Variants in ITFG2 observed in about 807,000 individuals in gnomAD.
ITFG2 encodes the protein integrin alpha FG-GAP repeat containing 2, also known as KICSTOR complex protein ITFG2.
In ITFG2, 36 loss-of-function variants were observed where a neutral mutation model predicts 54.4. The ratio of observed to expected loss-of-function variants is 0.66; its 90% confidence interval spans 0.51 to 0.87. The LOEUF is 0.87. Ranked by LOEUF, ITFG2 falls within the 40% of genes least tolerant of loss-of-function variation. The probability of loss-of-function intolerance (pLI) is 0.00; values close to 1 mark genes in which losing one functional copy is unlikely to be tolerated. For synonymous variants in ITFG2, 211 were observed against 225.4 expected, an observed-to-expected ratio of 0.94 and a Z score of 0.57; for missense variants, 524 against 576.7, an observed-to-expected ratio of 0.91 and a Z score of 0.94.
downstream of ITFG2, chr12:2,827,922 T>G (rs778136921): frequency 3.6e-5 from 58 of 1,613,880 alleles, no homozygotes; most frequent in Non-Finnish European, 4.6e-5. This position sits in a 1 kb window ranked among gnomAD's most constrained non-coding sequence, Gnocchi z 4.0. Flanking sequence ...AAGGGGGGAC[T>G]TACCCACCAC....
At position 2,824,076 on chromosome 12, in the gene ITFG2, T is replaced by G; in HGVS notation, c.1241-14T>G. 2 of 1,613,964 alleles carry G rather than the reference T, an allele frequency of 1.2e-6. No individual in the cohort carries two copies. Among genetic ancestry groups the G allele is most frequent in the African/African-American group, 1.3e-5 (1 of 74,982 alleles). ...AGACCCACAGCCTCTTACCCACCCC[T>G]TCTTGGCTCTCAGATCCTGACGACC... On this transcript the variant is annotated splice_polypyrimidine_tract_variant and intron_variant, in intron 11 of 11. Transcript: ENST00000228799.
upstream of ITFG2, among the ~76,000 whole-genome samples, chr12:2,836,428 G>C (rs1315944371): frequency 1.3e-5 from 2 of 152,254 alleles, no homozygotes; most frequent in African/African-American, 4.8e-5. Flanking sequence ...TAAGGGTGCA[G>C]TCTGACTCAG....
chr12:2,817,356 G>A, intron 2 of ITFG2, 38 bp downstream of exon 2: 1 of 1,469,146 alleles, frequency 6.8e-7, no homozygotes, highest in South Asian at 1.2e-5. Context: ...GGGGGGAAGG[G>A]ATCCCTTCTG....
chr12:2,849,021 A>G, intron 2 of ITFG2: 1 of 591,066 alleles, frequency 1.7e-6, no homozygotes, highest in South Asian at 2.2e-5. Context: ...AGAGTCCTCC[A>G]AGGAAGAAAT....
At chr12:2,853,672 G>A (rs1342769044) in intron 2 of ITFG2, among the ~76,000 whole-genome samples, 7 of 151,738 alleles carry the variant, frequency 4.6e-5, no homozygotes, top group African/African-American at 1.7e-4. Context: ...CTTTGGTCCT[G>A]CCCTTGGGAT....
chr12:2,818,129 T>C lies in ITFG2; in HGVS notation c.258T>C (p.Ala86=). The C allele has an allele frequency of 3.1e-6, 5 of 1,614,198 alleles. No individual in the cohort carries two copies. Among genetic ancestry groups the C allele is most frequent in the Non-Finnish European group, 2.5e-6 (3 of 1,180,036 alleles). The part of the protein sequence containing the change: ...KGKNLLVAVS[A]EGWFHLFDLT... ...AGAACCTGTTGGTGGCAGTGAGTGC[T>C]GAAGGCTGGTTTCATTTGTTTGACC... The change falls in exon 4 of 12, where the codon GCT becomes GCC. Residue 86 remains alanine (A), a synonymous_variant. Coordinates refer to ENST00000228799, the MANE Select transcript of ITFG2 (RefSeq NM_018463.4).
downstream of ITFG2, chr12:2,828,406 G>A (rs2097981345): frequency 1.2e-6 from 2 of 1,613,820 alleles, no homozygotes; most frequent in Non-Finnish European, 1.7e-6. Context: ...TAAGCAGCTG[G>A]TCCTGGCACT....
At chr12:2,846,759 C>T (rs189314555) in intron 2 of ITFG2, among the ~76,000 whole-genome samples, 3 of 151,702 alleles carry the variant, frequency 2.0e-5, no homozygotes, top group Admixed American at 6.6e-5. Flanking sequence ...TCACACACCC[C>T]GTCACACATA....
At chr12:2,828,188 A>T, downstream of ITFG2, 1 of 1,137,310 alleles carries the variant, frequency 8.8e-7, no homozygotes, top group Middle Eastern at 2.1e-4. Flanking sequence ...CTTCTCTGCC[A>T]GAGTCTTCTA....
chr12:2,813,494 C>T (rs2097914238), intron 1 of ITFG2, among the ~76,000 whole-genome samples: 2 of 152,142 alleles, frequency 1.3e-5, no homozygotes, highest in Admixed American at 6.6e-5. Flanking sequence ...GAGTTCCAGT[C>T]CTCAGATAGC....
In ITFG2 at chr12:2,853,418, G is replaced by A. The variant is rs190483576; in HGVS notation, n.301-4594G>A. Among the ~76,000 whole-genome samples, 920 of 152,010 alleles carry A rather than the reference G, an allele frequency of 6.1e-3. 8 individuals carry two copies. Among genetic ancestry groups the A allele is most frequent in the Admixed American group, 0.012 (179 of 15,254 alleles). ...CTCCTGAGTAGCTGGGATTACAGGC[G>A]CCTGCCACCACGCCCAGCTAATTTT... On this transcript the variant is annotated intron_variant and non_coding_transcript_variant, in intron 2 of 3. Coordinates refer to the ITFG2 transcript ENST00000537710.
intron 11 of ITFG2, 61 bp downstream of exon 11, chr12:2,824,004 C>T: frequency 1.2e-6 from 2 of 1,612,642 alleles, no homozygotes; most frequent in African/African-American, 1.3e-5. Flanking sequence ...GCTGCAGGAG[C>T]TGGGCGTGGG....
At chr12:2,833,286 C>T (rs1010297224), upstream of ITFG2, among the ~76,000 whole-genome samples, 5 of 152,042 alleles carry the variant, frequency 3.3e-5, no homozygotes, top group Admixed American at 1.3e-4. Context: ...CATTGAGAGC[C>T]GAAGAACCCG....
intron 1 of ITFG2, 101 bp downstream of exon 1, chr12:2,812,957 G>A (rs2097912706): frequency 1.1e-6 from 1 of 947,742 alleles, no homozygotes. Flanking sequence ...GCGTGAGCAT[G>A]CGCGCTGTGG....
At chr12:2,858,790 C>T (rs2098098813) in intron 3 of ITFG2, 2 of 1,614,204 alleles carry the variant, frequency 1.2e-6, no homozygotes, top group African/African-American at 1.3e-5. Flanking sequence ...GAACGATTGG[C>T]TGCAAGGCCA....
intron 2 of ITFG2, among the ~76,000 whole-genome samples, chr12:2,851,014 TCG>T (rs1204859747): frequency 4.7e-5 from 6 of 127,246 alleles, no homozygotes; most frequent in African/African-American, 6.0e-5. Context: ...AGACAGAGTC[TCG>T]CTTAGCCAGG....
chr12:2,849,665 T>G, intron 2 of ITFG2: 1 of 933,262 alleles, frequency 1.1e-6, no homozygotes, highest in Non-Finnish European at 1.6e-6. Flanking sequence ...CTTCTGTCTC[T>G]CCACCTAATC....
intron 4 of ITFG2, chr12:2,819,801 G>A (rs1412059845): frequency 3.6e-6 from 1 of 280,140 alleles, no homozygotes. Context: ...CCAGATAGGG[G>A]GCTTGTAGGT....
intron 2 of ITFG2, 28 bp downstream of exon 2, chr12:2,817,346 G>C (rs78846533): frequency 5.9e-6 from 9 of 1,522,892 alleles, no homozygotes; most frequent in Non-Finnish European, 8.2e-6. Context: ...TGGGCCTGGA[G>C]GGGGGAAGGG....
Sources: allele counts gnomAD v4.1 joint callset (sites outside exome capture counted in the v4.1 genomes callset), GRCh38; gene constraint gnomAD v4.1.1; non-coding constraint Gnocchi (gnomAD v3.1); transcripts MANE v1.5; gene names NCBI Gene and HGNC (gene_info 2026-07-23, HGNC 2026-07-21).